PIP5KL1: variants seen among roughly 807,000 people sequenced by gnomAD.
PIP5KL1 encodes phosphatidylinositol-4-phosphate 5-kinase like 1, also known as phosphatidylinositol 4-phosphate 5-kinase-like protein 1.
A neutral mutation model predicts 47.6 loss-of-function variants in PIP5KL1; 45 were observed. That is an observed-to-expected ratio of 0.94 (90% CI 0.74 to 1.21). The LOEUF (loss-of-function observed/expected upper bound fraction) is 1.21. Ranked by LOEUF, PIP5KL1 falls within the 50% of genes most tolerant of loss-of-function variation. The probability of loss-of-function intolerance (pLI) is 0.00; values close to 1 mark genes in which losing one functional copy is unlikely to be tolerated. For synonymous variants in PIP5KL1, 256 were observed against 234.6 expected (o/e 1.09, Z -0.84); for missense variants, 577 against 547.6 (o/e 1.05, Z -0.54).
chr9:127,921,791 C>A lies in PIP5KL1; in HGVS notation c.*56G>T. On this transcript the variant is annotated 3_prime_UTR_variant, in exon 10 of 10. Transcript: ENST00000388747. ...GCGAGATGCCCGGGCCCGGGGGAAC[C>A]GGCGTTCCTGGCGTGAGCCCATCGT... 4.6e-6 allele frequency: 7 copies of A among 1,507,406 alleles called. No individual in the cohort carries two copies. In the South Asian group the frequency reaches 8.6e-5, roughly 19 times the overall value. 93.4% of individuals were successfully genotyped at this position (1,507,406 alleles called of 1,614,324 possible).
rs1370287954 is a variant in PIP5KL1, at chr9:127,922,196, C to T, written c.918-82G>A. ...GGCTCTGCAAGCCTGGCCAGGCTGC[C>T]CACCCCTCCACCAGCTCATTCCCAC... On this transcript the variant is annotated intron_variant, in intron 9 of 9. Transcript: ENST00000388747. 9.9e-6 allele frequency: 14 copies of T among 1,413,108 alleles called. No homozygotes were observed. The Admixed American group carries it at 2.8e-4, about 28-fold the overall frequency. The allele number at this position is 1,413,108 out of a possible 1,614,324, so 87.5% of individuals were successfully genotyped here.
chr9:127,925,173 A>C lies in PIP5KL1; in HGVS notation c.851T>G (p.Ile284Arg). The C allele has an allele frequency of 6.2e-7, 1 of 1,614,156 alleles. No homozygotes were observed. Residue 284 changes from isoleucine (I) to arginine (R), a missense_variant, in exon 9 of 10, where the codon ATA becomes AGA. Physicochemically the swap from Ile to Arg is moderately conservative, Grantham distance 97 (BLOSUM62 -3). Coordinates refer to ENST00000388747, the MANE Select transcript of PIP5KL1 (RefSeq NM_001135219.2). Reference protein sequence around the residue: ...ELNVLDYSLLIAFQRLHEDER... With the variant: ...ELNVLDYSLLRAFQRLHEDER... ...ATCCTCGTGGAGACGTTGGAAGGCT[A>C]TCAGGAGGCTGTAATCCAGCACGTT...
At position 127,927,591 on chromosome 9, in the gene PIP5KL1, C is replaced by G; in HGVS notation, c.559+57G>C. 1 of 1,488,920 alleles carries G rather than the reference C, an allele frequency of 6.7e-7. No homozygotes were observed. The highest frequency in any genetic ancestry group is 2.4e-4 in the Middle Eastern group (1 of 4,156). The allele number at this position is 1,488,920 out of a possible 1,614,324, so 92.2% of individuals were successfully genotyped here. On this transcript the variant is annotated intron_variant, in intron 5 of 9. Coordinates refer to ENST00000388747, the MANE Select transcript of PIP5KL1 (RefSeq NM_001135219.2). The surrounding 1 kb of genome is among the most constrained non-coding windows in gnomAD (Gnocchi z 5.5). The stretch of plus-strand genomic sequence containing the variant: ...GCCCCGCCCACATACCCCGCCCTCC[C>G]CAGGTATATGATGACCTAGGACCCG...
Position 127,930,757 on chromosome 9 carries a change from C to T in PIP5KL1, c.-5G>A, listed in dbSNP as rs779595838. ...CCCCGGGCTCGGCGCAGCCATCGCC[C>T]CCGCAGCAGCTTCCCGGGCTTTGGC... On this transcript the variant is annotated 5_prime_UTR_variant, in exon 1 of 10. Coordinates refer to ENST00000388747, the MANE Select transcript of PIP5KL1 (RefSeq NM_001135219.2). 2 of 1,548,424 alleles carry T rather than the reference C, an allele frequency of 1.3e-6. No individual in the cohort carries two copies. Among genetic ancestry groups the T allele is most frequent in the African/African-American group, 1.4e-5 (1 of 71,168 alleles).
At chr9:127,924,873 TACAC>T (rs141619984) in intron 9 of PIP5KL1, among the ~76,000 whole-genome samples, 2 of 150,982 alleles carry the variant, frequency 1.3e-5, no homozygotes, top group Admixed American at 1.3e-4. Flanking sequence ...CCCTCCCCTC[TACAC>T]ACACACACAC....
chr9:127,928,592 T>G, intron 2 of PIP5KL1, 109 bp from the exon 3 acceptor site: 13 of 1,140,958 alleles, frequency 1.1e-5, no homozygotes, highest in East Asian at 2.6e-5. Context: ...TCCAATTGGA[T>G]TCCTTCAGCA....
In PIP5KL1 at chr9:127,921,737, C is replaced by T. The variant is rs1345188722; in HGVS notation, c.*110G>A. 78 of 1,396,246 alleles carry T rather than the reference C, an allele frequency of 5.6e-5. 1 individual carries two copies. The Admixed American group carries it at 1.7e-3, about 31-fold the overall frequency. The allele number at this position is 1,396,246 out of a possible 1,614,324, so 86.5% of individuals were successfully genotyped here. On this transcript the variant is annotated 3_prime_UTR_variant, in exon 10 of 10. Transcript: ENST00000388747. ...TACGGTATTAGTTAGGGGATGCTGCCCTCTGGCGACCATCAGGAGGAAGCG... is the reference window on the plus strand; with the variant it reads ...TACGGTATTAGTTAGGGGATGCTGCTCTCTGGCGACCATCAGGAGGAAGCG...
Position 127,927,406 on chromosome 9 carries a change from G to A in PIP5KL1, c.560-75C>T. The A allele has an allele frequency of 6.5e-7, 1 of 1,528,342 alleles. No individual in the cohort carries two copies. Among genetic ancestry groups the A allele is most frequent in the Non-Finnish European group, 8.8e-7 (1 of 1,140,738 alleles). The allele number at this position is 1,528,342 out of a possible 1,614,324, so 94.7% of individuals were successfully genotyped here. On this transcript the variant is annotated intron_variant, in intron 5 of 9. Coordinates refer to ENST00000388747, the MANE Select transcript of PIP5KL1 (RefSeq NM_001135219.2). This position sits in a 1 kb window ranked among gnomAD's most constrained non-coding sequence, Gnocchi z 5.5. ...GGGTGCATCCGGCGCCAATCCCAGC[G>A]CCAGGCCACGCCTCCTTCTCAAGAT...
At position 127,929,983 on chromosome 9, in the gene PIP5KL1, C is replaced by T; in HGVS notation, c.31-98G>A. The T allele has an allele frequency of 3.6e-6, 4 of 1,114,346 alleles. No homozygotes were observed. 69.0% of individuals were successfully genotyped at this position (1,114,346 alleles called of 1,614,324 possible). ...TTCCACTACTTGTGAGACTTCCCCT[C>T]ATCTCTCTCTGCCTCAATTTCTTCA... On this transcript the variant is annotated intron_variant, in intron 1 of 9. Coordinates refer to ENST00000388747, the MANE Select transcript of PIP5KL1 (RefSeq NM_001135219.2). The surrounding 1 kb of genome is among the most constrained non-coding windows in gnomAD (Gnocchi z 4.0).
intron 7 of PIP5KL1, among the ~76,000 whole-genome samples, chr9:127,926,672 T>G (rs1255228899): frequency 6.6e-6 from 1 of 152,246 alleles, no homozygotes; most frequent in East Asian, 1.9e-4. Flanking sequence ...TGTGCCTGCC[T>G]CTGGACACCT....
intron 9 of PIP5KL1, 98 bp downstream of exon 9, chr9:127,925,007 CTT>C: frequency 1.4e-6 from 2 of 1,479,558 alleles, no homozygotes; most frequent in Non-Finnish European, 1.8e-6. Context: ...GCCTTCATGT[CTT>C]TGGCTGCACT....
At chr9:127,930,612 G>A in intron 1 of PIP5KL1, 111 bp downstream of exon 1, 2 of 1,305,950 alleles carry the variant, frequency 1.5e-6, no homozygotes, top group Non-Finnish European at 2.0e-6. Flanking sequence ...GCCGGCTGCA[G>A]GGCCCCTCCC....
chr9:127,923,072 A>T (rs925878561), intron 9 of PIP5KL1, among the ~76,000 whole-genome samples: 1 of 152,240 alleles, frequency 6.6e-6, no homozygotes, highest in Non-Finnish European at 1.5e-5. Context: ...TTTGTGAACA[A>T]AATCCAGCAA....
At chr9:127,924,135 G>C (rs1174230190) in intron 9 of PIP5KL1, among the ~76,000 whole-genome samples, 2 of 152,220 alleles carry the variant, frequency 1.3e-5, no homozygotes, top group African/African-American at 4.8e-5. Context: ...TTGGGAGGCA[G>C]AGACAGACAA....
chr9:127,922,076 G>A lies in PIP5KL1; in HGVS notation c.956C>T (p.Ala319Val). Residue 319 changes from alanine (A) to valine (V), a missense_variant, in exon 10 of 10, where the codon GCC (alanine) becomes GTC (valine). By Grantham distance (64) the Ala-to-Val change is moderately conservative. Coordinates refer to ENST00000388747, the MANE Select transcript of PIP5KL1 (RefSeq NM_001135219.2). ...QGAQSPEESR[A>V]QNRRLLPDAP... ...GTCGGGCAGCAGCCGGCGGTTTTGG[G>A]CTCTCGACTCTTCCGGGCTCTGTGC... The A allele has an allele frequency of 6.4e-7, 1 of 1,559,500 alleles. No individual in the cohort carries two copies. Among genetic ancestry groups the A allele is most frequent in the Non-Finnish European group, 8.7e-7 (1 of 1,154,530 alleles).
chr9:127,929,831 C>A lies in PIP5KL1; in HGVS notation c.85G>T (p.Gly29Trp). 6.5e-7 allele frequency: 1 copy of A among 1,547,804 alleles called. No homozygotes were observed. Among genetic ancestry groups the A allele is most frequent in the Non-Finnish European group, 8.7e-7 (1 of 1,146,744 alleles). The change falls in exon 2 of 10, where the codon GGG becomes TGG. Residue 29 changes from glycine (G) to tryptophan (W), a missense_variant. Coordinates refer to ENST00000388747, the MANE Select transcript of PIP5KL1 (RefSeq NM_001135219.2). This position sits in a 1 kb window ranked among gnomAD's most constrained non-coding sequence, Gnocchi z 4.0. The part of the protein sequence containing the change: ...GCRAVTSSRR[G>W]LLWRLRDKQS... ...TTGTCTCGGAGGCGCCAGAGAAGCC[C>A]CCGCCGGCTGGAGGTGACTGCTCTG... is the stretch of plus-strand genomic sequence containing the variant.
intron 8 of PIP5KL1, 87 bp from the exon 9 acceptor site, chr9:127,925,347 C>T (rs1245865590): frequency 1.4e-6 from 2 of 1,444,708 alleles, no homozygotes; most frequent in African/African-American, 2.8e-5. Flanking sequence ...CAGCATGTGG[C>T]ATTACTGTCC....
At position 127,921,477 on chromosome 9, in the gene PIP5KL1, G is replaced by A. The variant is rs1006117718; in HGVS notation, c.*370C>T. 2.0e-5 allele frequency: 4 copies of A among 199,680 alleles called. No individual in the cohort carries two copies. Among genetic ancestry groups the A allele is most frequent in the African/African-American group, 9.4e-5 (4 of 42,626 alleles). The allele number at this position is 199,680 out of a possible 1,614,324, so 12.4% of individuals were successfully genotyped here. ...CCCTTGCCCAGATCATGAGGACCAA[G>A]CTGCAGGAGCTGGTGGTTAAGAATA... is the stretch of plus-strand genomic sequence containing the variant. On this transcript the variant is annotated 3_prime_UTR_variant, in exon 10 of 10. Transcript: ENST00000388747.
chr9:127,922,042 G>A lies in PIP5KL1; in HGVS notation c.990C>T (p.Asn330=), dbSNP rs1831290137. Residue 330 remains asparagine, a synonymous_variant, in exon 10 of 10, where the codon AAC becomes AAT. Coordinates refer to ENST00000388747, the MANE Select transcript of PIP5KL1 (RefSeq NM_001135219.2). ...CGGGCCCGTCCAGGATGTGTAGGGC[G>A]TTGGGGGCGTCGGGCAGCAGCCGGC... ...QNRRLLPDAP[N]ALHILDGPEQ... is the part of the protein sequence containing the mutation. The A allele has an allele frequency of 2.5e-6, 4 of 1,569,256 alleles. No homozygotes were observed. Among genetic ancestry groups the A allele is most frequent in the South Asian group, 1.2e-5 (1 of 85,980 alleles).
Sources: allele counts gnomAD v4.1 joint callset (sites outside exome capture counted in the v4.1 genomes callset), GRCh38; gene constraint gnomAD v4.1.1; non-coding constraint Gnocchi (gnomAD v3.1); transcripts MANE v1.5; gene names NCBI Gene and HGNC (gene_info 2026-07-23, HGNC 2026-07-21).